The following EPS15L1 variants were observed in gnomAD, a reference collection of about 807,000 sequenced individuals.
EPS15L1 encodes the protein epidermal growth factor receptor pathway substrate 15 like 1, also known as epidermal growth factor receptor substrate 15-like 1.
Under a neutral mutation model 117.1 loss-of-function variants are expected in EPS15L1, and 43 were observed. The ratio of observed to expected loss-of-function variants is 0.37; its 90% CI spans 0.29 to 0.47. EPS15L1 has a LOEUF of 0.47. Among genes scored for constraint, EPS15L1 ranks in the 20% least tolerant of loss-of-function variants. The pLI is 0.99. For synonymous variants in EPS15L1, 459 were observed against 470.5 expected (o/e 0.98, Z 0.32); for missense variants, 981 against 1,164.0 (o/e 0.84, Z 2.29).
intron 16 of EPS15L1, among the ~76,000 whole-genome samples, chr19:16,398,964 T>C (rs923883766): frequency 6.6e-6 from 1 of 152,134 alleles, no homozygotes; most frequent in Non-Finnish European, 1.5e-5. Flanking sequence ...CCTGGCTCTA[T>C]TTAGTTTTTA....
intron 1 of EPS15L1, among the ~76,000 whole-genome samples, chr19:16,442,463 A>C (rs1463391692): frequency 6.6e-6 from 1 of 152,202 alleles, no homozygotes; most frequent in East Asian, 1.9e-4. Flanking sequence ...TAGGGCAAAC[A>C]ATATAGTCAC....
chr19:16,435,254 A>C (rs533503922), intron 6 of EPS15L1: 1 of 152,312 alleles, frequency 6.6e-6, no homozygotes, highest in South Asian at 2.1e-4. Flanking sequence ...GCCCAGCCAC[A>C]TACAGGAAGC....
At chr19:16,400,366 AAAAAAC>A (rs1216195073) in intron 16 of EPS15L1, among the ~76,000 whole-genome samples, 2 of 151,806 alleles carry the variant, frequency 1.3e-5, no homozygotes, top group Admixed American at 1.3e-4. Flanking sequence ...CAAAAAAAAA[AAAAAAC>A]CCCTGACTTT....
At position 16,361,958 on chromosome 19, in the gene EPS15L1, C is replaced by T. The variant is rs750820714; in HGVS notation, c.2407G>A (p.Gly803Ser). The T allele has an allele frequency of 1.7e-5, 27 of 1,612,518 alleles. No homozygotes were observed. The highest frequency in any genetic ancestry group is 2.3e-5 in the Non-Finnish European group (27 of 1,179,432). Residue 803 changes from glycine to serine, a missense_variant, in exon 23 of 24, where the codon GGT becomes AGT. This residue lies in a region of EPS15L1 where 819 missense variants were observed against 949.0 expected (regional missense o/e 0.86). Transcript: ENST00000455140. ...SGKSTPVSQL[G>S]SADFPEAPDP... ...GGGGCCTCGGGAAAGTCTGCGGAACCAAGCTGGCTTACAGGTGTACTTTTA... is the reference window on the plus strand; with the variant it reads ...GGGGCCTCGGGAAAGTCTGCGGAACTAAGCTGGCTTACAGGTGTACTTTTA...
chr19:16,402,369 G>T lies in EPS15L1; in HGVS notation c.1743C>A (p.Asn581Lys), dbSNP rs777149194. The change falls in exon 16 of 24, where the codon AAC becomes AAA. Residue 581 changes from asparagine to lysine, a missense_variant. Transcript: ENST00000455140. ...CTGCCAGGGAGACGCCTTCGCTCAG[G>T]TTGGCCAGGTCGGTCAGGCTGGCAC... is the stretch of plus-strand genomic sequence containing the variant. ...AHGASLTDLA[N>K]LSEGVSLAER... The T allele has an allele frequency of 3.1e-6, 5 of 1,614,024 alleles. No individual in the cohort carries two copies. Among genetic ancestry groups the T allele is most frequent in the Non-Finnish European group, 4.2e-6 (5 of 1,179,976 alleles).
At position 16,432,472 on chromosome 19, in the gene EPS15L1, G is replaced by A. The variant is rs140061318; in HGVS notation, c.498+1893C>T. ...AGTCCCAGCTACTTGGGAGGCTGAG[G>A]CAGGAGAACGGCGTGAACCCAGGAG... On this transcript the variant is annotated intron_variant, in intron 7 of 23. Coordinates refer to ENST00000455140, the MANE Select transcript of EPS15L1 (RefSeq NM_001258374.3). Among the ~76,000 whole-genome samples, 1,449 of 152,318 alleles carry A rather than the reference G, an allele frequency of 9.5e-3. 8 individuals are homozygous for A. The highest frequency in any genetic ancestry group is 0.016 in the Non-Finnish European group (1,076 of 68,028).
chr19:16,414,091 G>A (rs1568430602), intron 12 of EPS15L1, among the ~76,000 whole-genome samples: 1 of 152,080 alleles, frequency 6.6e-6, no homozygotes, highest in African/African-American at 2.4e-5. Context: ...TCTCCACCTG[G>A]TTGCCCAAGT....
chr19:16,362,064 G>GCTTGTGCC, intron 22 of EPS15L1, 80 bp from the exon 23 acceptor site: 1 of 1,396,820 alleles, frequency 7.2e-7, no homozygotes, highest in Non-Finnish European at 9.5e-7. Flanking sequence ...ATGCTGGTGG[G>GCTTGTGCC]CACAAGCCCG....
intron 13 of EPS15L1, among the ~76,000 whole-genome samples, chr19:16,412,480 C>T (rs1295407334): frequency 6.6e-6 from 1 of 151,404 alleles, no homozygotes; most frequent in Non-Finnish European, 1.5e-5. Context: ...AGCCTGGCAA[C>T]AGAGCAAGAC....
intron 16 of EPS15L1, 23 bp from the exon 17 acceptor site, chr19:16,395,490 G>T (rs779236467): frequency 2.5e-6 from 4 of 1,609,592 alleles, no homozygotes; most frequent in Non-Finnish European, 3.4e-6. Flanking sequence ...GAAGAAACAG[G>T]ACAGGGATTT....
intron 15 of EPS15L1, 64 bp downstream of exon 15, chr19:16,403,669 C>T: frequency 6.9e-7 from 1 of 1,456,178 alleles, no homozygotes. Flanking sequence ...TCAGCAGTGG[C>T]AGCCTCGGCT....
At chr19:16,362,073 C>A in intron 22 of EPS15L1, 89 bp from the exon 23 acceptor site, 2 of 1,332,272 alleles carry the variant, frequency 1.5e-6, no homozygotes, top group East Asian at 5.0e-5. Context: ...GGCACAAGCC[C>A]GGGGCGCTTC....
intron 1 of EPS15L1, among the ~76,000 whole-genome samples, chr19:16,460,804 A>G (rs2093241384): frequency 6.6e-6 from 1 of 152,182 alleles, no homozygotes; most frequent in Non-Finnish European, 1.5e-5. Context: ...CCAACCACAA[A>G]CAGTGCCATT....
chr19:16,451,024 C>G (rs2093136433), intron 1 of EPS15L1, among the ~76,000 whole-genome samples: 1 of 152,010 alleles, frequency 6.6e-6, no homozygotes, highest in African/African-American at 2.4e-5. Flanking sequence ...AATCTTGGCT[C>G]ACTACAACCT....
intron 10 of EPS15L1, 48 bp from the exon 11 acceptor site, chr19:16,418,152 A>G (rs953703888): frequency 6.4e-7 from 1 of 1,564,104 alleles, no homozygotes; most frequent in Non-Finnish European, 8.7e-7. Flanking sequence ...GCGCCGACTC[A>G]GCCTGAACCC....
rs193237703 is a variant in EPS15L1, at chr19:16,446,640, G to A, written c.34-4421C>T. Among the ~76,000 whole-genome samples the A allele has an allele frequency of 1.0e-3, 154 of 152,274 alleles. 2 individuals are homozygous for A. Among genetic ancestry groups the A allele is most frequent in the South Asian group, 7.3e-3 (35 of 4,826 alleles). Reference sequence around the variant, plus strand: ...ACAGTCAGTGAAGCACCCAGGATAGGTGGTCCTGGAGTCAGACCCTCACCT... The same window carrying A: ...ACAGTCAGTGAAGCACCCAGGATAGATGGTCCTGGAGTCAGACCCTCACCT... On this transcript the variant is annotated intron_variant, in intron 1 of 23. Transcript: ENST00000455140.
intron 22 of EPS15L1, among the ~76,000 whole-genome samples, chr19:16,368,849 C>T (rs10421252): frequency 0.14 from 21,169 of 152,168 alleles, 1,497 homozygotes; most frequent in Non-Finnish European, 0.15. Context: ...ATTCATCCTA[C>T]ACAACACAGA....
At position 16,471,405 on chromosome 19, in the gene EPS15L1, G is replaced by A. The variant is rs2093345108; in HGVS notation, c.33+508C>T. Among the ~76,000 whole-genome samples, 1 of 152,214 alleles carries A rather than the reference G, an allele frequency of 6.6e-6. No homozygotes were observed. On this transcript the variant is annotated intron_variant, in intron 1 of 23. Coordinates refer to ENST00000455140, the MANE Select transcript of EPS15L1 (RefSeq NM_001258374.3). This position sits in a 1 kb window ranked among gnomAD's most constrained non-coding sequence, Gnocchi z 4.8. Reference sequence around the variant, plus strand: ...CACAGAGAGGCGCCCGGAGACGTACGATCTGCGCCCGGTGCAGGGGTGGCG... The same window carrying A: ...CACAGAGAGGCGCCCGGAGACGTACAATCTGCGCCCGGTGCAGGGGTGGCG...
At chr19:16,406,563 C>A (rs17723444) in intron 13 of EPS15L1, among the ~76,000 whole-genome samples, 1 of 152,176 alleles carries the variant, frequency 6.6e-6, no homozygotes, top group Non-Finnish European at 1.5e-5. Context: ...CACCGGGTAA[C>A]GCTGGCAGCA....
Sources: allele counts gnomAD v4.1 joint callset (sites outside exome capture counted in the v4.1 genomes callset), GRCh38; gene constraint gnomAD v4.1.1; regional missense constraint gnomAD v4.1.1; non-coding constraint Gnocchi (gnomAD v3.1); transcripts MANE v1.5; gene names NCBI Gene and HGNC (gene_info 2026-07-23, HGNC 2026-07-21).